Variants in RASA2 observed in about 807,000 individuals in gnomAD.
RASA2 encodes ras GTPase-activating protein 2.
RASA2 carries 155 observed loss-of-function variants against 118.2 expected under a neutral mutation model. The ratio of observed to expected loss-of-function variants is 1.31; its 90% CI spans 1.15 to 1.50. RASA2 has a LOEUF of 1.50. RASA2 is among the 40% of genes most tolerant of loss of function. The probability of loss-of-function intolerance (pLI) is 0.00; values close to 1 mark genes in which losing one functional copy is unlikely to be tolerated. For missense variants in RASA2, 1,016 were observed against 1,009.6 expected (o/e 1.01, Z -0.09); for synonymous variants, 353 against 349.1 (o/e 1.01, Z -0.12).
intron 21 of RASA2, 109 bp downstream of exon 21, chr3:141,608,806 C>G (rs2083590240): frequency 8.3e-7 from 1 of 1,211,554 alleles, no homozygotes; most frequent in Non-Finnish European, 1.2e-6. Context: ...CATGCAACAA[C>G]AAGGATGGGA....
chr3:141,534,097 G>A (rs2082294964), intron 4 of RASA2, among the ~76,000 whole-genome samples: 1 of 152,186 alleles, frequency 6.6e-6, no homozygotes, highest in Non-Finnish European at 1.5e-5. Flanking sequence ...TATGGGTTGT[G>A]CTGGTGCCTT....
chr3:141,523,490 G>C (rs1163318055), intron 3 of RASA2, among the ~76,000 whole-genome samples: 1 of 152,032 alleles, frequency 6.6e-6, no homozygotes, highest in Non-Finnish European at 1.5e-5. Context: ...GGGCATAATT[G>C]TTTATATTAG....
chr3:141,580,300 AT>A, intron 15 of RASA2, 67 bp from the exon 16 acceptor site: 1 of 1,226,290 alleles, frequency 8.2e-7, no homozygotes, highest in Non-Finnish European at 1.2e-6. Flanking sequence ...CATTTACTCT[AT>A]TCTACTTTTT....
Position 141,508,326 on chromosome 3 carries a change from G to C in RASA2, c.134-3837G>C, listed in dbSNP as rs1481637998. 2.0e-5 allele frequency among the ~76,000 whole-genome samples: 3 copies of C among 151,950 alleles called. No individual in the cohort carries two copies. In the South Asian group the frequency reaches 6.2e-4, roughly 32 times the overall value. On this transcript the variant is annotated intron_variant, in intron 1 of 23. Coordinates refer to ENST00000286364, the MANE Select transcript of RASA2 (RefSeq NM_006506.5). ...TAATGAAGAGTGGTCAAATAAGGTG[G>C]GACTGAAAAGCAGTGTTACGATTTG...
At chr3:141,543,563 C>G (rs1199876391) in intron 5 of RASA2, among the ~76,000 whole-genome samples, 1 of 151,800 alleles carries the variant, frequency 6.6e-6, no homozygotes, top group Non-Finnish European at 1.5e-5. Context: ...ATAGAGTTTC[C>G]TCTTAACATT....
intron 2 of RASA2, among the ~76,000 whole-genome samples, chr3:141,515,043 G>A (rs978924668): frequency 5.3e-4 from 80 of 151,914 alleles, no homozygotes; most frequent in African/African-American, 1.8e-3. Context: ...GGAGATAGCA[G>A]TGTCCTTTAT....
intron 3 of RASA2, among the ~76,000 whole-genome samples, chr3:141,521,783 T>C (rs1248936934): frequency 1.3e-5 from 2 of 152,136 alleles, no homozygotes; most frequent in African/African-American, 4.8e-5. Context: ...TATAGAGTTA[T>C]TATTAAACAC....
intron 3 of RASA2, chr3:141,525,690 C>G (rs2082175417): frequency 6.6e-6 from 1 of 152,078 alleles, no homozygotes; most frequent in Non-Finnish European, 1.5e-5. Context: ...AAAATTACTT[C>G]TGGCTACTTG....
At chr3:141,498,860 A>G (rs1485206315) in intron 1 of RASA2, among the ~76,000 whole-genome samples, 1 of 152,154 alleles carries the variant, frequency 6.6e-6, no homozygotes, top group African/African-American at 2.4e-5. Flanking sequence ...TATAGGTACC[A>G]TTGGCTTAGC....
chr3:141,526,813 G>T (rs1335505116), intron 3 of RASA2, among the ~76,000 whole-genome samples: 1 of 152,176 alleles, frequency 6.6e-6, no homozygotes, highest in African/African-American at 2.4e-5. Context: ...AGTCAGAGAA[G>T]GGTTTCCCTC....
At chr3:141,605,681 G>A (rs540698809) in intron 19 of RASA2, among the ~76,000 whole-genome samples, 45 of 150,980 alleles carry the variant, frequency 3.0e-4, no homozygotes, top group African/African-American at 9.7e-4. Context: ...TTAAACTCCT[G>A]ATTTCCTCAG....
intron 9 of RASA2, among the ~76,000 whole-genome samples, chr3:141,565,197 C>G (rs1386110446): frequency 2.6e-5 from 4 of 152,156 alleles, no homozygotes; most frequent in Non-Finnish European, 5.9e-5. Context: ...GTTGGCCAGC[C>G]TGGTCTCGAA....
intron 4 of RASA2, among the ~76,000 whole-genome samples, chr3:141,531,795 A>G (rs1560012695): frequency 6.6e-6 from 1 of 152,058 alleles, no homozygotes; most frequent in Non-Finnish European, 1.5e-5. Context: ...GAAGAGACAT[A>G]TAACACTTTT....
chr3:141,509,483 A>G (rs935821589), intron 1 of RASA2, among the ~76,000 whole-genome samples: 1 of 152,256 alleles, frequency 6.6e-6, no homozygotes, highest in African/African-American at 2.4e-5. Flanking sequence ...AATTCTCCCA[A>G]TTAGATATGG....
At chr3:141,569,753 C>G (rs1443357718) in intron 9 of RASA2, among the ~76,000 whole-genome samples, 1 of 151,972 alleles carries the variant, frequency 6.6e-6, no homozygotes, top group African/African-American at 2.4e-5. Flanking sequence ...AACAAAGTAC[C>G]GGATGGTTTT....
chr3:141,541,666 A>G (rs544034975), intron 5 of RASA2, among the ~76,000 whole-genome samples: 35 of 152,194 alleles, frequency 2.3e-4, no homozygotes, highest in African/African-American at 8.2e-4. Context: ...AATGATGTCT[A>G]TTAAGGCGTT....
At chr3:141,503,525 A>C (rs1008519742) in intron 1 of RASA2, among the ~76,000 whole-genome samples, 14 of 151,886 alleles carry the variant, frequency 9.2e-5, no homozygotes, top group Admixed American at 2.0e-4. Context: ...TAAACTATTT[A>C]CTTTTTAACA....
At chr3:141,500,071 C>G (rs2081756896) in intron 1 of RASA2, among the ~76,000 whole-genome samples, 1 of 152,200 alleles carries the variant, frequency 6.6e-6, no homozygotes, top group Non-Finnish European at 1.5e-5. Context: ...CACCATATGC[C>G]TATTGGTACT....
At chr3:141,500,984 GATT>G (rs2081770087) in intron 1 of RASA2, among the ~76,000 whole-genome samples, 1 of 152,128 alleles carries the variant, frequency 6.6e-6, no homozygotes, top group South Asian at 2.1e-4. Flanking sequence ...GCCCAGCAGA[GATT>G]ATTATGATTT....
Sources: allele counts gnomAD v4.1 joint callset (sites outside exome capture counted in the v4.1 genomes callset), GRCh38; gene constraint gnomAD v4.1.1; transcripts MANE v1.5; gene names NCBI Gene and HGNC (gene_info 2026-07-23, HGNC 2026-07-21).